The following KCNQ1OT1 variants were observed in gnomAD, a reference collection of about 807,000 sequenced individuals.
KCNQ1OT1 encodes the protein KCNQ1 opposite strand/antisense transcript 1, also known as KCNQ1 antisense RNA 2 (non-protein coding).
chr11:2,612,522 G>T lies in KCNQ1OT1; in HGVS notation n.87473C>A. 1 of 398,518 alleles carries T rather than the reference G, an allele frequency of 2.5e-6. No individual in the cohort carries two copies. Among genetic ancestry groups the T allele is most frequent in the Non-Finnish European group, 4.4e-6 (1 of 226,032 alleles). The allele number at this position is 398,518 out of a possible 1,614,324, so 24.7% of individuals were successfully genotyped here. ...TTCTTTCTTCTGCCAGGTCAAATTT[G>T]CTTAGCCGCACTAGTGAGTTTTTCA... On this transcript the variant is annotated non_coding_transcript_exon_variant, in exon 1 of 1. Transcript: ENST00000597346. The surrounding 1 kb of genome is among the most constrained non-coding windows in gnomAD (Gnocchi z 5.5).
At position 2,668,274 on chromosome 11, in the gene KCNQ1OT1, T is replaced by G; in HGVS notation, n.31721A>C. On this transcript the variant is annotated non_coding_transcript_exon_variant, in exon 1 of 1. Transcript: ENST00000597346. The surrounding 1 kb of genome is among the most constrained non-coding windows in gnomAD (Gnocchi z 4.3). ...TAGGTTGCTGTTTAAGAATATTCTGTACATGCTTTTGGTGAGCATCAGGTT... is the reference window on the plus strand; with the variant it reads ...TAGGTTGCTGTTTAAGAATATTCTGGACATGCTTTTGGTGAGCATCAGGTT... 5.0e-6 allele frequency: 2 copies of G among 398,700 alleles called. No homozygotes were observed. The highest frequency in any genetic ancestry group is 8.8e-6 in the Non-Finnish European group (2 of 226,108). The allele number at this position is 398,700 out of a possible 1,614,324, so 24.7% of individuals were successfully genotyped here. A position where few individuals can be genotyped will look rare whatever the true frequency, so the allele number is the denominator to read the frequency against.
exon 1 of KCNQ1OT1, chr11:2,665,236 A>G (rs945056834): frequency 2.5e-6 from 1 of 398,402 alleles, no homozygotes; most frequent in Non-Finnish European, 4.4e-6. Context: ...AATGGGGCAC[A>G]AGAGAGTCCC....
At chr11:2,694,749 A>G (rs1850646452) in exon 1 of KCNQ1OT1, 1 of 398,500 alleles carries the variant, frequency 2.5e-6, no homozygotes, top group African/African-American at 2.1e-5. Flanking sequence ...GTAGATGTCT[A>G]AGGAACTAGA....
At chr11:2,641,948 A>G (rs1849586194) in exon 1 of KCNQ1OT1, 2 of 398,436 alleles carry the variant, frequency 5.0e-6, no homozygotes, top group Non-Finnish European at 8.9e-6. Context: ...CTGTAAATAC[A>G]TGGATTTACT....
chr11:2,686,272 G>A (rs1253704015), exon 1 of KCNQ1OT1: 4 of 398,622 alleles, frequency 1.0e-5, no homozygotes, highest in Non-Finnish European at 1.8e-5. Context: ...CCCCAGTACT[G>A]CCACTGGCTT....
chr11:2,652,866 T>C lies in KCNQ1OT1; in HGVS notation n.47129A>G. 1 of 398,710 alleles carries C rather than the reference T, an allele frequency of 2.5e-6. No individual in the cohort carries two copies. The highest frequency in any genetic ancestry group is 4.4e-6 in the Non-Finnish European group (1 of 226,138). The allele number at this position is 398,710 out of a possible 1,614,324, so 24.7% of individuals were successfully genotyped here. On this transcript the variant is annotated non_coding_transcript_exon_variant, in exon 1 of 1. Coordinates refer to ENST00000597346, the Ensembl canonical transcript of KCNQ1OT1. This position sits in a 1 kb window ranked among gnomAD's most constrained non-coding sequence, Gnocchi z 5.9. ...ATGCTGAGGCTTGCTATACTTATTC[T>C]AAGGAGAAGTGTTTGGGGTGTGGGG...
At position 2,674,413 on chromosome 11, in the gene KCNQ1OT1, C is replaced by G. The variant is rs1850251693; in HGVS notation, n.25582G>C. On this transcript the variant is annotated non_coding_transcript_exon_variant, in exon 1 of 1. Coordinates refer to ENST00000597346, the Ensembl canonical transcript of KCNQ1OT1. The surrounding 1 kb of genome is among the most constrained non-coding windows in gnomAD (Gnocchi z 5.9). ...CATGCGTGCGTGTGTGTGTGCGCGC[C>G]CGCGCGCACACGACCACAGAGGCTG... is the stretch of plus-strand genomic sequence containing the variant. 1 of 398,394 alleles carries G rather than the reference C, an allele frequency of 2.5e-6. No homozygotes were observed. The highest frequency in any genetic ancestry group is 4.4e-6 in the Non-Finnish European group (1 of 226,006). 24.7% of individuals were successfully genotyped at this position (398,394 alleles called of 1,614,324 possible).
In KCNQ1OT1 at chr11:2,626,942, T is replaced by C. The variant is rs1384102288; in HGVS notation, n.73053A>G. On this transcript the variant is annotated non_coding_transcript_exon_variant, in exon 1 of 1. Coordinates refer to ENST00000597346, the Ensembl canonical transcript of KCNQ1OT1. The surrounding 1 kb of genome is among the most constrained non-coding windows in gnomAD (Gnocchi z 4.0). ...TTCCATGTGAATTTTAGGATGGGGT[T>C]TCTTCTTTCTGCAAATAACATCATT... is the stretch of plus-strand genomic sequence containing the variant. The C allele has an allele frequency of 1.3e-5, 5 of 398,486 alleles. No homozygotes were observed. The highest frequency in any genetic ancestry group is 2.2e-5 in the Non-Finnish European group (5 of 226,068). 24.7% of individuals were successfully genotyped at this position (398,486 alleles called of 1,614,324 possible).
Position 2,681,685 on chromosome 11 carries a change from G to A in KCNQ1OT1, n.18310C>T, listed in dbSNP as rs1463054064. On this transcript the variant is annotated non_coding_transcript_exon_variant, in exon 1 of 1. Coordinates refer to ENST00000597346, the Ensembl canonical transcript of KCNQ1OT1. ...GGTGCTCCCTCACCCTTAAAGACCA[G>A]GCTGCCGTTGCTTCCCATGTGTCTG... 2.4e-5 allele frequency: 7 copies of A among 291,386 alleles called. No individual in the cohort carries two copies. In the East Asian group the frequency reaches 3.0e-4, roughly 13 times the overall value. The allele number at this position is 291,386 out of a possible 1,614,324, so 18.1% of individuals were successfully genotyped here.
At chr11:2,622,931 A>C (rs1849199226) in exon 1 of KCNQ1OT1, 1 of 398,578 alleles carries the variant, frequency 2.5e-6, no homozygotes, top group Non-Finnish European at 4.4e-6. Context: ...TGGGGTGTAC[A>C]TTCTGTGGGT....
At position 2,613,687 on chromosome 11, in the gene KCNQ1OT1, T is replaced by C; in HGVS notation, n.86308A>G. 2 of 398,608 alleles carry C rather than the reference T, an allele frequency of 5.0e-6. No individual in the cohort carries two copies. The highest frequency in any genetic ancestry group is 4.4e-5 in the Admixed American group (1 of 22,736). The allele number at this position is 398,608 out of a possible 1,614,324, so 24.7% of individuals were successfully genotyped here. On this transcript the variant is annotated non_coding_transcript_exon_variant, in exon 1 of 1. Coordinates refer to ENST00000597346, the Ensembl canonical transcript of KCNQ1OT1. The surrounding 1 kb of genome is among the most constrained non-coding windows in gnomAD (Gnocchi z 4.8). ...ACCACCTCAGAAGTGGTCCCTATCT[T>C]GTTAATTTTATTTTTTGAATACATA...
Position 2,671,135 on chromosome 11 carries a change from C to T in KCNQ1OT1, n.28860G>A, listed in dbSNP as rs1480570710. 2.0e-5 allele frequency: 8 copies of T among 398,454 alleles called. No homozygotes were observed. The highest frequency in any genetic ancestry group is 3.1e-5 in the Non-Finnish European group (7 of 226,096). 24.7% of individuals were successfully genotyped at this position (398,454 alleles called of 1,614,324 possible). ...TTAGTCTGTCAGGCCTGGTTGGTCC[C>T]ATGGGAGGCCTGAGGTGCCATCTTA... On this transcript the variant is annotated non_coding_transcript_exon_variant, in exon 1 of 1. Transcript: ENST00000597346. The surrounding 1 kb of genome is among the most constrained non-coding windows in gnomAD (Gnocchi z 4.7).
Position 2,645,796 on chromosome 11 carries a change from G to A in KCNQ1OT1, n.54199C>T, listed in dbSNP as rs1194856979. 1.3e-5 allele frequency: 5 copies of A among 398,600 alleles called. No homozygotes were observed. The highest frequency in any genetic ancestry group is 2.2e-5 in the Non-Finnish European group (5 of 226,170). 24.7% of individuals were successfully genotyped at this position (398,600 alleles called of 1,614,324 possible). ...GCCCACAGCAGATGCAGTCTGGTGG[G>A]GGTTGGGCTATCAAAATGGGACTTT... On this transcript the variant is annotated non_coding_transcript_exon_variant, in exon 1 of 1. Coordinates refer to ENST00000597346, the Ensembl canonical transcript of KCNQ1OT1. This position sits in a 1 kb window ranked among gnomAD's most constrained non-coding sequence, Gnocchi z 5.8.
chr11:2,692,316 A>T, exon 1 of KCNQ1OT1: 2 of 398,924 alleles, frequency 5.0e-6, no homozygotes, highest in Non-Finnish European at 8.8e-6. Context: ...CCCTATTGCC[A>T]CTGTCCTGAT....
chr11:2,632,689 TC>T, exon 1 of KCNQ1OT1: 1 of 398,400 alleles, frequency 2.5e-6, no homozygotes, highest in East Asian at 3.6e-5. Context: ...CCTCCATCTT[TC>T]TGTGCCTAAT....
exon 1 of KCNQ1OT1, chr11:2,694,778 T>C (rs917016340): frequency 5.0e-6 from 2 of 398,158 alleles, no homozygotes; most frequent in Non-Finnish European, 8.8e-6. Context: ...GCCTGTGCTT[T>C]GCAGAGACTC....
exon 1 of KCNQ1OT1, chr11:2,665,103 C>T (rs1008764484): frequency 1.1e-4 from 42 of 398,346 alleles, no homozygotes; most frequent in Non-Finnish European, 1.5e-4. Context: ...TAAAGAGTGG[C>T]GTCGCTGCAC....
rs529147136 is a variant in KCNQ1OT1, at chr11:2,620,506, G to T, written n.79489C>A. The T allele has an allele frequency of 1.6e-5, 6 of 374,478 alleles. No individual in the cohort carries two copies. The highest frequency in any genetic ancestry group is 3.8e-5 in the East Asian group (1 of 26,172). The allele number at this position is 374,478 out of a possible 1,614,324, so 23.2% of individuals were successfully genotyped here. ...GCTGGGATTACAGGTGAGAGCTACCGCACCTGGCCGAATTCATTCATTTTT... is the reference window on the plus strand; with the variant it reads ...GCTGGGATTACAGGTGAGAGCTACCTCACCTGGCCGAATTCATTCATTTTT... On this transcript the variant is annotated non_coding_transcript_exon_variant, in exon 1 of 1. Coordinates refer to ENST00000597346, the Ensembl canonical transcript of KCNQ1OT1. This position sits in a 1 kb window ranked among gnomAD's most constrained non-coding sequence, Gnocchi z 4.5.
At position 2,674,740 on chromosome 11, in the gene KCNQ1OT1, C is replaced by T. The variant is rs1170179814; in HGVS notation, n.25255G>A. On this transcript the variant is annotated non_coding_transcript_exon_variant, in exon 1 of 1. Coordinates refer to ENST00000597346, the Ensembl canonical transcript of KCNQ1OT1. This position sits in a 1 kb window ranked among gnomAD's most constrained non-coding sequence, Gnocchi z 5.9. ...TTCTGAACTTAACTCGTTAAAGTTG[C>T]TCCAATCCCAGCCCAGTGCCAGACC... 5.0e-6 allele frequency: 2 copies of T among 397,474 alleles called. No homozygotes were observed. Among genetic ancestry groups the T allele is most frequent in the Non-Finnish European group, 8.9e-6 (2 of 225,962 alleles). The allele number at this position is 397,474 out of a possible 1,614,324, so 24.6% of individuals were successfully genotyped here.
Sources: allele counts gnomAD v4.1 joint callset, GRCh38; gene constraint gnomAD v4.1.1; non-coding constraint Gnocchi (gnomAD v3.1); transcripts MANE v1.5; gene names NCBI Gene and HGNC (gene_info 2026-07-23, HGNC 2026-07-21).